IQGAP1: variants seen among roughly 807,000 people sequenced by gnomAD.
IQGAP1 encodes ras GTPase-activating-like protein IQGAP1.
A neutral mutation model predicts 215.6 loss-of-function variants in IQGAP1; 66 were observed. That is an observed-to-expected ratio of 0.31 (90% CI 0.25 to 0.38). IQGAP1 has a LOEUF of 0.38. Ranked by LOEUF, IQGAP1 falls within the 10% of genes least tolerant of loss-of-function variation. IQGAP1 has a pLI of 1.00. For missense variants in IQGAP1, 1,712 were observed against 1,997.1 expected (o/e 0.86, Z 2.72); for synonymous variants, 772 against 728.7 (o/e 1.06, Z -0.96).
chr15:90,410,843 TAAAAAAA>T (rs58903853), intron 2 of IQGAP1, among the ~76,000 whole-genome samples: 1 of 126,674 alleles, frequency 7.9e-6, no homozygotes, highest in Non-Finnish European at 1.8e-5. Context: ...TAAAGTATAA[TAAAAAAA>T]AAAAAAAAGA....
intron 26 of IQGAP1, among the ~76,000 whole-genome samples, chr15:90,480,670 T>G (rs1352991768): frequency 6.6e-6 from 1 of 152,182 alleles, no homozygotes; most frequent in African/African-American, 2.4e-5. Flanking sequence ...TGTATTTTTC[T>G]TTTTGTTGTT....
intron 33 of IQGAP1, among the ~76,000 whole-genome samples, chr15:90,488,192 G>A (rs1310072996): frequency 4.6e-5 from 7 of 151,996 alleles, no homozygotes; most frequent in Admixed American, 4.6e-4. Context: ...CTGCACTCCA[G>A]CCTGGGCGAC....
At position 90,487,556 on chromosome 15, in the gene IQGAP1, C is replaced by G. The variant is rs1966144071; in HGVS notation, c.4222C>G (p.Leu1408Val). ...GCCAGGAGAGACCTTGACTGAAATC[C>G]TAGAAACACCAGCCACCAGTGAACA... ...FQPGETLTEILETPATSEQEA... is the reference protein window; with the variant it reads ...FQPGETLTEIVETPATSEQEA... Residue 1408 changes from leucine (L) to valine (V), a missense_variant, in exon 33 of 38, where the codon CTA becomes GTA. Transcript: ENST00000268182. 1.2e-6 allele frequency: 2 copies of G among 1,613,724 alleles called. No homozygotes were observed. The highest frequency in any genetic ancestry group is 1.7e-5 in the Admixed American group (1 of 59,998).
At chr15:90,420,548 T>G (rs1965118956) in intron 2 of IQGAP1, among the ~76,000 whole-genome samples, 1 of 152,166 alleles carries the variant, frequency 6.6e-6, no homozygotes, top group Admixed American at 6.5e-5. Context: ...CTGAGATGTT[T>G]TGGGAACATC....
chr15:90,490,224 A>G (rs1966184074), intron 33 of IQGAP1, among the ~76,000 whole-genome samples: 1 of 152,284 alleles, frequency 6.6e-6, no homozygotes, highest in Non-Finnish European at 1.5e-5. Context: ...GAGGCAGTCA[A>G]TGAAGTATTG....
At chr15:90,489,232 G>A (rs1002723048) in intron 33 of IQGAP1, among the ~76,000 whole-genome samples, 4 of 151,202 alleles carry the variant, frequency 2.6e-5, no homozygotes, top group South Asian at 2.1e-4. Context: ...GGGTTCAAGC[G>A]ATTCTCCTGC....
At chr15:90,473,149 T>G in intron 19 of IQGAP1, 139 bp downstream of exon 19, 1 of 724,654 alleles carries the variant, frequency 1.4e-6, no homozygotes, top group Non-Finnish European at 2.3e-6. Context: ...GACAGGTACC[T>G]CCTCTTTACT....
intron 11 of IQGAP1, among the ~76,000 whole-genome samples, chr15:90,451,280 T>C (rs950214000): frequency 5.3e-5 from 8 of 152,198 alleles, no homozygotes; most frequent in African/African-American, 1.9e-4. Context: ...GGTAATTTAT[T>C]AGCTCACAGC....
At position 90,496,306 on chromosome 15, in the gene IQGAP1, C is replaced by CTTTTTTTTTTTTTTTT. The variant is rs552222380; in HGVS notation, c.4752-912_4752-897dup. 4.7e-4 allele frequency among the ~76,000 whole-genome samples: 50 copies of CTTTTTTTTTTTTTTTT among 106,108 alleles called. 4 individuals carry two copies. Among genetic ancestry groups the CTTTTTTTTTTTTTTTT allele is most frequent in the African/African-American group, 2.1e-3 (48 of 22,576 alleles). 69.6% of individuals were successfully genotyped at this position (106,108 alleles called of 152,430 possible). The stretch of plus-strand genomic sequence containing the variant: ...GATCATCCAGAGAACAGCATAATCC[C>CTTTTTTTTTTTTTTTT]TTTTTTTTTTTTTTTTTTTTTTTTT... On this transcript the variant is annotated intron_variant, in intron 36 of 37. Coordinates refer to ENST00000268182, the MANE Select transcript of IQGAP1 (RefSeq NM_003870.4).
At chr15:90,394,165 G>A (rs1325786857) in intron 2 of IQGAP1, among the ~76,000 whole-genome samples, 1 of 141,996 alleles carries the variant, frequency 7.0e-6, no homozygotes, top group Non-Finnish European at 1.5e-5. Context: ...AAAGGCAGTG[G>A]AGACATTTGT....
Position 90,497,095 on chromosome 15 carries a change from G to A in IQGAP1, c.4752-137G>A, listed in dbSNP as rs142682170. On this transcript the variant is annotated intron_variant, in intron 36 of 37. Transcript: ENST00000268182. ...CTTGGCAATCTGTGCTGCTTCAGCTGCAGAAGTACTTTTGACCTGTATTTT... is the reference window on the plus strand; with the variant it reads ...CTTGGCAATCTGTGCTGCTTCAGCTACAGAAGTACTTTTGACCTGTATTTT... 800 of 593,990 alleles carry A rather than the reference G, an allele frequency of 1.3e-3. 7 individuals carry two copies. In the African/African-American group the frequency reaches 0.014, roughly 10 times the overall value. The allele number at this position is 593,990 out of a possible 1,614,324, so 36.8% of individuals were successfully genotyped here. A position where few individuals can be genotyped will look rare whatever the true frequency, so the allele number is the denominator to read the frequency against.
chr15:90,478,959 T>C (rs537240999), intron 26 of IQGAP1, among the ~76,000 whole-genome samples: 77 of 152,196 alleles, frequency 5.1e-4, no homozygotes, highest in Non-Finnish European at 7.9e-4. Context: ...CAATCAAATA[T>C]TGGTAATGCT....
At chr15:90,444,243 CTG>C (rs34494521) in intron 9 of IQGAP1, among the ~76,000 whole-genome samples, 1,540 of 126,850 alleles carry the variant, frequency 0.012, 17 homozygotes, top group Non-Finnish European at 0.018. Context: ...TCCTTCAAAA[CTG>C]TGTGTGTGTG....
intron 4 of IQGAP1, among the ~76,000 whole-genome samples, chr15:90,432,845 C>T (rs932310318): frequency 1.3e-5 from 2 of 152,160 alleles, no homozygotes; most frequent in Non-Finnish European, 2.9e-5. Flanking sequence ...CCCCTTATTT[C>T]CCTAAATTAC....
chr15:90,406,264 C>T (rs954196636), intron 2 of IQGAP1, among the ~76,000 whole-genome samples: 7 of 152,216 alleles, frequency 4.6e-5, no homozygotes, highest in African/African-American at 2.4e-5. Context: ...AGCCCTGTCA[C>T]ATTAACATCA....
chr15:90,462,006 A>G (rs12907327), intron 15 of IQGAP1, among the ~76,000 whole-genome samples: 4 of 55,680 alleles, frequency 7.2e-5, no homozygotes, highest in Non-Finnish European at 1.6e-4. Context: ...AAAAGAAAAA[A>G]AAAAAATTAG....
chr15:90,405,694 A>G (rs553695635), intron 2 of IQGAP1, among the ~76,000 whole-genome samples: 1 of 151,316 alleles, frequency 6.6e-6, no homozygotes, highest in Non-Finnish European at 1.5e-5. Flanking sequence ...AAGGCAAAGG[A>G]TAGTGTATGC....
rs539168638 is a variant in IQGAP1, at chr15:90,406,234, A to T, written c.155+15361A>T. Among the ~76,000 whole-genome samples the T allele has an allele frequency of 4.6e-5, 7 of 152,374 alleles. No homozygotes were observed. In the South Asian group the frequency reaches 1.5e-3, roughly 32 times the overall value. ...GCGAGAAAAGTGATGCTTGGGAGCC[A>T]ACATGGGCTCCCTAAAAAAAGCCCT... is the stretch of plus-strand genomic sequence containing the variant. On this transcript the variant is annotated intron_variant, in intron 2 of 37. Coordinates refer to ENST00000268182, the MANE Select transcript of IQGAP1 (RefSeq NM_003870.4).
At chr15:90,486,333 C>A (rs1195085157) in intron 31 of IQGAP1, 1 of 400,160 alleles carries the variant, frequency 2.5e-6, no homozygotes, top group Non-Finnish European at 4.5e-6. Flanking sequence ...CTATAAGGAA[C>A]TGGAGTCAGA....
Sources: allele counts gnomAD v4.1 joint callset (sites outside exome capture counted in the v4.1 genomes callset), GRCh38; gene constraint gnomAD v4.1.1; transcripts MANE v1.5; gene names NCBI Gene and HGNC (gene_info 2026-07-23, HGNC 2026-07-21).